IMMT: variants seen among roughly 807,000 people sequenced by gnomAD.
IMMT encodes the protein inner membrane mitochondrial protein, also known as MICOS complex subunit MIC60.
Under a neutral mutation model 92.7 loss-of-function variants are expected in IMMT, and 40 were observed. The ratio of observed to expected loss-of-function variants is 0.43; its 90% CI spans 0.34 to 0.56. The LOEUF (loss-of-function observed/expected upper bound fraction) is 0.56, where lower values mean the gene tolerates loss of function less well. Ranked by LOEUF, IMMT falls within the 20% of genes least tolerant of loss-of-function variation. The pLI is 0.03. For synonymous variants in IMMT, 322 were observed against 336.1 expected (o/e 0.96, Z 0.46); for missense variants, 831 against 912.1 (o/e 0.91, Z 1.14).
At chr2:86,181,214 C>A in intron 2 of IMMT, 85 bp downstream of exon 2, 1 of 987,356 alleles carries the variant, frequency 1.0e-6, no homozygotes, top group Non-Finnish European at 1.6e-6. Context: ...AAGGTTTAGA[C>A]AGCTATTCCC....
chr2:86,179,440 T>C lies in IMMT; in HGVS notation c.302A>G (p.Lys101Arg). Reference sequence around the variant, plus strand: ...ATTGTTTAAAACTCTTACCGATTTCTTTGGCAATGGAACATTATAAGCTGC... The same window carrying C: ...ATTGTTTAAAACTCTTACCGATTTCCTTGGCAATGGAACATTATAAGCTGC... ...GPAAYNVPLP[K>R]KSIQSGPLKI... The change falls in exon 3 of 15, where the codon AAG becomes AGG. Residue 101 changes from lysine (K) to arginine (R), a missense_variant. Lys to Arg is a conservative substitution (Grantham distance 26, BLOSUM62 2). Coordinates refer to ENST00000410111, the MANE Select transcript of IMMT (RefSeq NM_006839.3). The C allele has an allele frequency of 6.3e-7, 1 of 1,582,642 alleles. No individual in the cohort carries two copies. Among genetic ancestry groups the C allele is most frequent in the South Asian group, 1.2e-5 (1 of 85,318 alleles).
chr2:86,171,959 A>ATTTTTTTTTTTTTTTTT (rs869190735), intron 4 of IMMT, among the ~76,000 whole-genome samples: 1 of 40,156 alleles, frequency 2.5e-5, no homozygotes, highest in East Asian at 4.2e-4. Flanking sequence ...TGTGTAGTAT[A>ATTTTTTTTTTTTTTTTT]TTTTTTTTTT....
chr2:86,153,662 C>G, intron 10 of IMMT, 88 bp from the exon 11 acceptor site: 1 of 811,822 alleles, frequency 1.2e-6, no homozygotes, highest in Non-Finnish European at 1.9e-6. Context: ...TAAAAGGAAA[C>G]AAGAAGGAAT....
At position 86,163,843 on chromosome 2, in the gene IMMT, C is replaced by T. The variant is rs1049082358; in HGVS notation, c.793-1764G>A. Among the ~76,000 whole-genome samples the T allele has an allele frequency of 6.0e-5, 9 of 150,550 alleles. No individual in the cohort carries two copies. In the South Asian group the frequency reaches 1.9e-3, roughly 32 times the overall value. ...GTGTGGTGATGGGCGCCTGTAATCCCAGCTACTCTGGAGGCTGAGGTAGGA... is the reference window on the plus strand; with the variant it reads ...GTGTGGTGATGGGCGCCTGTAATCCTAGCTACTCTGGAGGCTGAGGTAGGA... On this transcript the variant is annotated intron_variant, in intron 7 of 14. Coordinates refer to ENST00000410111, the MANE Select transcript of IMMT (RefSeq NM_006839.3).
At chr2:86,153,129 ATG>A (rs748101304) in intron 11 of IMMT, among the ~76,000 whole-genome samples, 10 of 152,200 alleles carry the variant, frequency 6.6e-5, no homozygotes, top group Non-Finnish European at 2.9e-5. Context: ...AAGTGAAAGA[ATG>A]TGATATTTGA....
At chr2:86,153,028 G>A (rs1435274556) in intron 11 of IMMT, among the ~76,000 whole-genome samples, 4 of 152,152 alleles carry the variant, frequency 2.6e-5, no homozygotes, top group Non-Finnish European at 5.9e-5. Flanking sequence ...TTTTAACACT[G>A]AATGGACATT....
chr2:86,181,698 C>CAA (rs576507426), intron 1 of IMMT, among the ~76,000 whole-genome samples: 1 of 144,470 alleles, frequency 6.9e-6, no homozygotes, highest in Non-Finnish European at 1.5e-5. Flanking sequence ...TCTTAATTGG[C>CAA]AAAAAAAAAA....
intron 1 of IMMT, among the ~76,000 whole-genome samples, chr2:86,188,019 T>C (rs895422410): frequency 6.6e-6 from 1 of 152,154 alleles, no homozygotes; most frequent in East Asian, 1.9e-4. Context: ...AATTTCTCTA[T>C]ACCCTCACCA....
chr2:86,153,240 C>G (rs909479582), intron 11 of IMMT, among the ~76,000 whole-genome samples: 1 of 150,780 alleles, frequency 6.6e-6, no homozygotes, highest in South Asian at 2.1e-4. Context: ...CCTGGAAGTT[C>G]TTTAGTTTTC....
chr2:86,182,616 G>A lies in IMMT; in HGVS notation c.46-1244C>T, dbSNP rs183905973. 1.5e-3 allele frequency among the ~76,000 whole-genome samples: 232 copies of A among 152,336 alleles called. 2 individuals carry two copies. The highest frequency in any genetic ancestry group is 5.4e-3 in the African/African-American group (224 of 41,588). On this transcript the variant is annotated intron_variant, in intron 1 of 14. Transcript: ENST00000410111. ...AGGCTGGCGAGGGTGAGCGGCGCAGGCGGGGATTGCTTGAGCCCAGGACGT... is the reference window on the plus strand; with the variant it reads ...AGGCTGGCGAGGGTGAGCGGCGCAGACGGGGATTGCTTGAGCCCAGGACGT...
At chr2:86,147,120 GATTAA>G (rs1386202783) in intron 13 of IMMT, among the ~76,000 whole-genome samples, 4 of 152,036 alleles carry the variant, frequency 2.6e-5, no homozygotes, top group African/African-American at 4.8e-5. Context: ...ATAATAATTA[GATTAA>G]ATTATATTCT....
intron 2 of IMMT, 71 bp from the exon 3 acceptor site, chr2:86,179,693 A>T: frequency 7.7e-7 from 1 of 1,304,534 alleles, no homozygotes; most frequent in South Asian, 1.6e-5. Context: ...ATACCAATGT[A>T]ACCATCTCGA....
At chr2:86,145,512 A>AG (rs1558807494) in intron 14 of IMMT, among the ~76,000 whole-genome samples, 1 of 150,994 alleles carries the variant, frequency 6.6e-6, no homozygotes, top group East Asian at 1.9e-4. Flanking sequence ...AAAAAAAAAA[A>AG]AAAAAAGAAA....
chr2:86,158,082 A>T (rs1255216397), intron 10 of IMMT, among the ~76,000 whole-genome samples: 2 of 152,228 alleles, frequency 1.3e-5, no homozygotes, highest in Non-Finnish European at 1.5e-5. Context: ...AGTTCTCTGT[A>T]GTTTCAGCTT....
At chr2:86,175,506 G>A (rs1235985933) in intron 3 of IMMT, among the ~76,000 whole-genome samples, 2 of 151,916 alleles carry the variant, frequency 1.3e-5, no homozygotes, top group Admixed American at 1.3e-4. Flanking sequence ...TGAGAGAAAT[G>A]ACATTTTTAT....
intron 4 of IMMT, among the ~76,000 whole-genome samples, chr2:86,172,210 T>C (rs1233329517): frequency 6.6e-6 from 1 of 151,984 alleles, no homozygotes; most frequent in Non-Finnish European, 1.5e-5. Flanking sequence ...GCTCAAGTGA[T>C]CCTCCCTCCT....
chr2:86,176,646 G>C (rs1375009877), intron 3 of IMMT, among the ~76,000 whole-genome samples: 1 of 152,230 alleles, frequency 6.6e-6, no homozygotes. Flanking sequence ...ATAAGGAGCA[G>C]TGTAAGTGTG....
At chr2:86,188,656 G>A (rs1253481399) in intron 1 of IMMT, among the ~76,000 whole-genome samples, 2 of 152,120 alleles carry the variant, frequency 1.3e-5, no homozygotes, top group African/African-American at 2.4e-5. Flanking sequence ...GAACTCCTGC[G>A]CTCAAGCGTT....
rs750446231 is a variant in IMMT at position 86,173,754 on chromosome 2, G to A, written c.317C>T (p.Ser106Leu). 7.1e-6 allele frequency: 11 copies of A among 1,554,148 alleles called. No homozygotes were observed. The highest frequency in any genetic ancestry group is 2.3e-5 in the East Asian group (1 of 44,442). ...NVPLPKKSIQ[S>L]GPLKISSVSE... is the part of the protein sequence containing the mutation. ...TACACTAGAGATTTTTAGTGGACCC[G>A]ACTGAATCTTGGAAATAAAAAACAT... Residue 106 changes from serine (S) to leucine (L), a missense_variant, in exon 4 of 15, where the codon TCG becomes TTG. Coordinates refer to ENST00000410111, the MANE Select transcript of IMMT (RefSeq NM_006839.3).
Sources: gnomAD v4.1 joint callset for allele counts (sites outside exome capture counted in the v4.1 genomes callset) on GRCh38, gnomAD v4.1.1 for gene constraint, MANE v1.5 for transcripts, NCBI Gene and HGNC (gene_info 2026-07-23, HGNC 2026-07-21) for gene names.